The following TTC38 variants were observed in gnomAD, a reference collection of about 807,000 sequenced individuals.
TTC38 encodes tetratricopeptide repeat protein 38.
In TTC38, 64 loss-of-function variants were observed where a neutral mutation model predicts 64.2. The ratio of observed to expected loss-of-function variants is 1.00; its 90% CI spans 0.81 to 1.23. The LOEUF (loss-of-function observed/expected upper bound fraction) is 1.23, where lower values mean the gene tolerates loss of function less well. TTC38 is among the 50% of genes most tolerant of loss of function. TTC38 has a pLI of 0.00. For missense variants in TTC38, 573 were observed against 615.5 expected (o/e 0.93, Z 0.73); for synonymous variants, 254 against 249.3 (o/e 1.02, Z -0.18).
intron 11 of TTC38, 43 bp downstream of exon 11, chr22:46,288,631 C>CGAGAGGGTGAGGGGGT: frequency 6.3e-7 from 1 of 1,593,252 alleles, no homozygotes; most frequent in Non-Finnish European, 8.6e-7. Context: ...CTCACCCTGC[C>CGAGAGGGTGAGGGGGT]GAGAGGGTGA....
In TTC38 at chr22:46,292,110, T is replaced by G. The variant is rs1232398966; in HGVS notation, c.1317-681T>G. On this transcript the variant is annotated intron_variant, in intron 13 of 13. Transcript: ENST00000381031. This position sits in a 1 kb window ranked among gnomAD's most constrained non-coding sequence, Gnocchi z 6.5. The stretch of plus-strand genomic sequence containing the variant: ...CTTCCTGGCTTGTGGACAGCCACTT[T>G]CTTGCTGTGTCCTCACATGACCTTT... 8.0e-6 allele frequency: 3 copies of G among 375,492 alleles called. No individual in the cohort carries two copies. The highest frequency in any genetic ancestry group is 6.3e-5 in the African/African-American group (3 of 47,256). The allele number at this position is 375,492 out of a possible 1,614,324, so 23.3% of individuals were successfully genotyped here.
intron 11 of TTC38, 29 bp downstream of exon 11, chr22:46,288,617 G>T: frequency 1.9e-6 from 3 of 1,608,612 alleles, no homozygotes; most frequent in Non-Finnish European, 2.5e-6. Context: ...TCGGGGTGGG[G>T]GTCCTCACCC....
rs2077542738 is a variant in TTC38 at position 46,282,541 on chromosome 22, G to A, written c.735+823G>A. On this transcript the variant is annotated intron_variant, in intron 7 of 13. Transcript: ENST00000381031. This position sits in a 1 kb window ranked among gnomAD's most constrained non-coding sequence, Gnocchi z 4.4. The stretch of plus-strand genomic sequence containing the variant: ...ACTGAATACCTGCTTTGTATTTGGG[G>A]CAGCAAGAAATCAGGGAAGGGTGTG... Among the ~76,000 whole-genome samples the A allele has an allele frequency of 6.6e-6, 1 of 152,170 alleles. No homozygotes were observed. Among genetic ancestry groups the A allele is most frequent in the African/African-American group, 2.4e-5 (1 of 41,440 alleles).
chr22:46,275,765 C>T lies in TTC38; in HGVS notation c.539+344C>T, dbSNP rs1389838534. Reference sequence around the variant, plus strand: ...GAGGGCTCTGCCACCATGTCCTTGTCTCCATCTGGGATCCCAGCTGATGAA... The same window carrying T: ...GAGGGCTCTGCCACCATGTCCTTGTTTCCATCTGGGATCCCAGCTGATGAA... On this transcript the variant is annotated intron_variant, in intron 5 of 13. Coordinates refer to ENST00000381031, the MANE Select transcript of TTC38 (RefSeq NM_017931.4). This position sits in a 1 kb window ranked among gnomAD's most constrained non-coding sequence, Gnocchi z 4.5. Among the ~76,000 whole-genome samples the T allele has an allele frequency of 6.6e-6, 1 of 152,194 alleles. No individual in the cohort carries two copies. Among genetic ancestry groups the T allele is most frequent in the Admixed American group, 6.5e-5 (1 of 15,272 alleles).
intron 11 of TTC38, 56 bp downstream of exon 11, chr22:46,288,644 G>A: frequency 1.3e-6 from 2 of 1,556,350 alleles, no homozygotes; most frequent in Non-Finnish European, 1.8e-6. Context: ...GAGGGTGAGG[G>A]GGTGCTAGGG....
rs1936961294 is a variant in TTC38 at position 46,274,262 on chromosome 22, G to A, written c.365+193G>A. Among the ~76,000 whole-genome samples, 1 of 152,192 alleles carries A rather than the reference G, an allele frequency of 6.6e-6. No homozygotes were observed. The highest frequency in any genetic ancestry group is 1.5e-5 in the Non-Finnish European group (1 of 68,034). ...TCTTGGTGGAGTGCTGAGTGAGGAA[G>A]CAGTTGGTGAAGATTCCCAACTTAG... On this transcript the variant is annotated intron_variant, in intron 4 of 13. Coordinates refer to ENST00000381031, the MANE Select transcript of TTC38 (RefSeq NM_017931.4). The surrounding 1 kb of genome is among the most constrained non-coding windows in gnomAD (Gnocchi z 4.8).
Position 46,272,371 on chromosome 22 carries a change from A to T in TTC38, c.148A>T (p.Ile50Phe). The T allele has an allele frequency of 6.2e-7, 1 of 1,610,320 alleles. No individual in the cohort carries two copies. Among genetic ancestry groups the T allele is most frequent in the Non-Finnish European group, 8.5e-7 (1 of 1,178,430 alleles). Residue 50 changes from isoleucine (I) to phenylalanine (F), a missense_variant, in exon 3 of 14, where the codon ATC becomes TTC. Transcript: ENST00000381031. This position sits in a 1 kb window ranked among gnomAD's most constrained non-coding sequence, Gnocchi z 6.4. ...GACCAATGACAAGAGTCTCGGTGGC[A>T]TCGAGGGCTGCCTGTCAAAGCTCAA... Reference protein sequence around the residue: ...KWTNDKSLGGIEGCLSKLKAA... With the variant: ...KWTNDKSLGGFEGCLSKLKAA...
chr22:46,270,354 A>G lies in TTC38; in HGVS notation c.111+1763A>G, dbSNP rs1009379628. 6.6e-6 allele frequency among the ~76,000 whole-genome samples: 1 copy of G among 151,012 alleles called. No individual in the cohort carries two copies. The highest frequency in any genetic ancestry group is 6.6e-5 in the Admixed American group (1 of 15,166). Reference sequence around the variant, plus strand: ...AAGTGAGCTGTGATTGTGCCACTGTACTCCATCCTGGGCAACAGAGCAAAC... The same window carrying G: ...AAGTGAGCTGTGATTGTGCCACTGTGCTCCATCCTGGGCAACAGAGCAAAC... On this transcript the variant is annotated intron_variant, in intron 2 of 13. Coordinates refer to ENST00000381031, the MANE Select transcript of TTC38 (RefSeq NM_017931.4). The surrounding 1 kb of genome is among the most constrained non-coding windows in gnomAD (Gnocchi z 4.7).
At chr22:46,279,976 C>A (rs2077521619) in intron 6 of TTC38, 5 of 369,664 alleles carry the variant, frequency 1.4e-5, no homozygotes, top group South Asian at 8.2e-5. Context: ...AAAAAACATG[C>A]AAGCCCATGC....
chr22:46,278,496 T>C, intron 5 of TTC38, 90 bp from the exon 6 acceptor site: 1 of 1,105,210 alleles, frequency 9.0e-7, no homozygotes, highest in South Asian at 1.2e-5. Flanking sequence ...GTGCTGGCAG[T>C]TAGGACCTCA....
intron 8 of TTC38, 125 bp downstream of exon 8, chr22:46,284,157 C>A: frequency 1.3e-6 from 1 of 771,142 alleles, no homozygotes; most frequent in Non-Finnish European, 2.1e-6. Context: ...ATTAACATTT[C>A]CAAAGAGCAC....
intron 13 of TTC38, among the ~76,000 whole-genome samples, chr22:46,290,305 T>TGAGC (rs1157351122): frequency 6.6e-5 from 10 of 152,194 alleles, no homozygotes; most frequent in Non-Finnish European, 2.9e-5. Flanking sequence ...GAGGGAGCAG[T>TGAGC]GAGCAGGCAC....
intron 6 of TTC38, chr22:46,279,945 C>G (rs1458851926): frequency 8.2e-6 from 3 of 366,288 alleles, no homozygotes; most frequent in Non-Finnish European, 1.7e-5. Context: ...TGTGGCAAGT[C>G]CCCCGCACTG....
chr22:46,292,311 C>T lies in TTC38; in HGVS notation c.1317-480C>T, dbSNP rs6008552. The T allele has an allele frequency of 1.0e-5, 4 of 395,080 alleles. No homozygotes were observed. The highest frequency in any genetic ancestry group is 9.9e-6 in the Non-Finnish European group (2 of 201,186). 24.5% of individuals were successfully genotyped at this position (395,080 alleles called of 1,614,324 possible). ...GAATCTTCCTGCCTCATCCTTCCAT[C>T]GTGCAGGGATTACAGGGGTGAGCCA... On this transcript the variant is annotated intron_variant, in intron 13 of 13. Coordinates refer to ENST00000381031, the MANE Select transcript of TTC38 (RefSeq NM_017931.4). The surrounding 1 kb of genome is among the most constrained non-coding windows in gnomAD (Gnocchi z 6.5).
At position 46,275,116 on chromosome 22, in the gene TTC38, C is replaced by T; in HGVS notation, c.366-132C>T. 1.2e-6 allele frequency: 1 copy of T among 852,206 alleles called. No homozygotes were observed. Among genetic ancestry groups the T allele is most frequent in the Non-Finnish European group, 1.8e-6 (1 of 561,530 alleles). 52.8% of individuals were successfully genotyped at this position (852,206 alleles called of 1,614,324 possible). ...GATTACAGGCATAAGCCACCGCACC[C>T]AGTCAGAAACTGATTTTTAAAAAAA... On this transcript the variant is annotated intron_variant, in intron 4 of 13. Transcript: ENST00000381031. The surrounding 1 kb of genome is among the most constrained non-coding windows in gnomAD (Gnocchi z 4.5).
At position 46,288,600 on chromosome 22, in the gene TTC38, G is replaced by A. The variant is rs1321175188; in HGVS notation, c.1082+12G>A. On this transcript the variant is annotated intron_variant, in intron 11 of 13. Transcript: ENST00000381031. ...CGGGACGCCAGCGAGTATGCAGAGG[G>A]GCCTTCTCGGGGTGGGGGTCCTCAC... The A allele has an allele frequency of 1.2e-6, 2 of 1,612,104 alleles. No homozygotes were observed. The highest frequency in any genetic ancestry group is 3.3e-5 in the Admixed American group (2 of 59,932).
chr22:46,289,351 C>T (rs749822830), intron 11 of TTC38, 51 bp from the exon 12 acceptor site: 34 of 1,584,310 alleles, frequency 2.1e-5, no homozygotes, highest in Middle Eastern at 1.7e-4. Context: ...CTGCCCTTCC[C>T]GGATGTTCTG....
Position 46,275,176 on chromosome 22 carries a change from A to G in TTC38, c.366-72A>G. 7.1e-7 allele frequency: 1 copy of G among 1,418,376 alleles called. No homozygotes were observed. Among genetic ancestry groups the G allele is most frequent in the Non-Finnish European group, 9.7e-7 (1 of 1,032,346 alleles). The allele number at this position is 1,418,376 out of a possible 1,614,324, so 87.9% of individuals were successfully genotyped here. ...GTAGACCATGACACTGGTGAGAAAC[A>G]ATGCCTCTTACACTCCCTGTGTGGG... On this transcript the variant is annotated intron_variant, in intron 4 of 13. Coordinates refer to ENST00000381031, the MANE Select transcript of TTC38 (RefSeq NM_017931.4). This position sits in a 1 kb window ranked among gnomAD's most constrained non-coding sequence, Gnocchi z 4.5.
At chr22:46,268,180 T>C in intron 1 of TTC38, 108 bp downstream of exon 1, 1 of 1,304,226 alleles carries the variant, frequency 7.7e-7, no homozygotes, top group Non-Finnish European at 1.0e-6. Context: ...GGGCGTGGGG[T>C]GAGCCCTGGG....
Sources: allele counts gnomAD v4.1 joint callset (sites outside exome capture counted in the v4.1 genomes callset), GRCh38; gene constraint gnomAD v4.1.1; non-coding constraint Gnocchi (gnomAD v3.1); transcripts MANE v1.5; gene names NCBI Gene and HGNC (gene_info 2026-07-23, HGNC 2026-07-21).